The following RBFOX1 variants were observed in gnomAD, a reference collection of about 807,000 sequenced individuals.
RBFOX1 encodes RNA binding protein fox-1 homolog 1.
Under a neutral mutation model 57.7 loss-of-function variants are expected in RBFOX1, and 8 were observed. The observed-to-expected ratio is 0.14, with a 90% CI of 0.08 to 0.25. RBFOX1 has a LOEUF of 0.25. Among genes scored for constraint, RBFOX1 ranks in the 10% least tolerant of loss-of-function variants. The pLI is 1.00. For synonymous variants in RBFOX1, 326 were observed against 222.4 expected (o/e 1.47, Z -4.15); for missense variants, 611 against 548.5 (o/e 1.11, Z -1.14).
chr16:7,027,798 GGAA>G (rs2041426579), intron 3 of RBFOX1, among the ~76,000 whole-genome samples: 2 of 151,452 alleles, frequency 1.3e-5, no homozygotes, highest in East Asian at 3.9e-4. Flanking sequence ...AACAAGAAAA[GGAA>G]GAAATAAATG....
intron 3 of RBFOX1, among the ~76,000 whole-genome samples, chr16:6,830,385 G>C (rs555705927): frequency 6.6e-6 from 1 of 151,710 alleles, no homozygotes; most frequent in Non-Finnish European, 1.5e-5. Context: ...GTTTATCTTT[G>C]AATTTTACTA....
intron 2 of RBFOX1, among the ~76,000 whole-genome samples, chr16:6,340,924 T>TG (rs962471831): frequency 1.3e-5 from 2 of 151,924 alleles, no homozygotes; most frequent in Non-Finnish European, 1.5e-5. Context: ...TCTGGGGACC[T>TG]GGGGGATCAC....
chr16:6,988,614 C>T (rs1370085017), intron 3 of RBFOX1, among the ~76,000 whole-genome samples: 1 of 151,698 alleles, frequency 6.6e-6, no homozygotes, highest in Non-Finnish European at 1.5e-5. Flanking sequence ...GCTCTGTCCC[C>T]TAGGCTGGAG....
intron 2 of RBFOX1, among the ~76,000 whole-genome samples, chr16:5,472,125 CTTA>C (rs2069157433): frequency 6.6e-6 from 1 of 152,122 alleles, no homozygotes; most frequent in East Asian, 1.9e-4. Flanking sequence ...GGGTGAGAAT[CTTA>C]TTATCACGGC....
At chr16:7,626,877 T>C (rs1348504358) in intron 10 of RBFOX1, among the ~76,000 whole-genome samples, 1 of 152,212 alleles carries the variant, frequency 6.6e-6, no homozygotes. Context: ...ATCAGGTATT[T>C]TCCTAGGTGT....
chr16:6,976,662 T>A (rs1370922860), intron 3 of RBFOX1, among the ~76,000 whole-genome samples: 1 of 149,626 alleles, frequency 6.7e-6, no homozygotes, highest in Non-Finnish European at 1.5e-5. Context: ...TATATATATA[T>A]GATATATATA....
intron 1 of RBFOX1, among the ~76,000 whole-genome samples, chr16:5,425,180 A>G (rs1367638525): frequency 6.6e-6 from 1 of 151,074 alleles, no homozygotes; most frequent in Non-Finnish European, 1.5e-5. Context: ...ATCTTGGCTC[A>G]CTGCAACCTC....
chr16:5,693,265 A>G (rs969672573), intron 3 of RBFOX1, among the ~76,000 whole-genome samples: 1 of 152,110 alleles, frequency 6.6e-6, no homozygotes, highest in African/African-American at 2.4e-5. Flanking sequence ...ACTGTGGGTA[A>G]TGAGGCTTGG....
At chr16:6,763,499 C>G (rs182418585) in intron 3 of RBFOX1, among the ~76,000 whole-genome samples, 38 of 152,264 alleles carry the variant, frequency 2.5e-4, no homozygotes, top group Admixed American at 1.2e-3. Context: ...GATTTCTGAC[C>G]TCTCCTCCAA....
chr16:7,183,709 CTG>C (rs2083180775), intron 4 of RBFOX1, among the ~76,000 whole-genome samples: 1 of 152,150 alleles, frequency 6.6e-6, no homozygotes, highest in Non-Finnish European at 1.5e-5. Context: ...TTGACTCACA[CTG>C]AACACAAGCT....
intron 3 of RBFOX1, among the ~76,000 whole-genome samples, chr16:6,753,613 C>G (rs989758344): frequency 4.6e-5 from 7 of 152,150 alleles, no homozygotes; most frequent in South Asian, 2.1e-4. Flanking sequence ...GTAAGTAGAA[C>G]CAGCAACAGA....
chr16:6,039,165 G>C (rs2095408712), intron 1 of RBFOX1, among the ~76,000 whole-genome samples: 1 of 151,914 alleles, frequency 6.6e-6, no homozygotes. Flanking sequence ...GGATGCATGA[G>C]AGGGCATTTC....
intron 10 of RBFOX1, among the ~76,000 whole-genome samples, chr16:7,610,634 G>A (rs1464725996): frequency 6.6e-6 from 1 of 152,198 alleles, no homozygotes; most frequent in African/African-American, 2.4e-5. Context: ...ACGTTTGTAT[G>A]TAGGTAGACA....
intron 3 of RBFOX1, among the ~76,000 whole-genome samples, chr16:7,004,456 G>C (rs2093122056): frequency 6.6e-6 from 1 of 152,140 alleles, no homozygotes; most frequent in Admixed American, 6.5e-5. Flanking sequence ...CCATAGCCTG[G>C]ATTTGAAGGT....
intron 4 of RBFOX1, among the ~76,000 whole-genome samples, chr16:5,930,810 G>T (rs1306261753): frequency 3.1e-5 from 4 of 127,600 alleles, no homozygotes; most frequent in Non-Finnish European, 6.6e-5. Flanking sequence ...TGGTGGGTGG[G>T]AGGGTGGATG....
Position 7,321,376 on chromosome 16 carries a change from C to T in RBFOX1, c.28-196771C>T, listed in dbSNP as rs552032209. 7.9e-5 allele frequency among the ~76,000 whole-genome samples: 12 copies of T among 152,042 alleles called. No individual in the cohort carries two copies. The East Asian group carries it at 1.9e-3, about 25-fold the overall frequency. On this transcript the variant is annotated intron_variant, in intron 4 of 15. Coordinates refer to ENST00000550418, the MANE Select transcript of RBFOX1 (RefSeq NM_018723.4). ...GGTCAGGCTGTTCTTGAACTCCTGACCTCAAGTGATACACCCTCCTCGGCC... is the reference window on the plus strand; with the variant it reads ...GGTCAGGCTGTTCTTGAACTCCTGATCTCAAGTGATACACCCTCCTCGGCC...
At chr16:7,444,942 C>A (rs1166044027) in intron 4 of RBFOX1, among the ~76,000 whole-genome samples, 1 of 152,048 alleles carries the variant, frequency 6.6e-6, no homozygotes, top group Non-Finnish European at 1.5e-5. Flanking sequence ...TCAACAAATC[C>A]GTAATCATGG....
chr16:6,226,374 C>CAAAAAAAAAAAAA, intron 1 of RBFOX1, among the ~76,000 whole-genome samples: 1 of 86,558 alleles, frequency 1.2e-5, no homozygotes, highest in Non-Finnish European at 2.0e-5. Context: ...ACTCTGTCTC[C>CAAAAAAAAAAAAA]AAAAAAAAAA....
intron 3 of RBFOX1, among the ~76,000 whole-genome samples, chr16:6,699,631 C>T (rs1225918990): frequency 3.3e-5 from 5 of 152,126 alleles, no homozygotes; most frequent in Non-Finnish European, 7.4e-5. Flanking sequence ...TTTTTGTTGG[C>T]ATGAATACTC....
Sources: allele counts gnomAD v4.1 joint callset (sites outside exome capture counted in the v4.1 genomes callset), GRCh38; gene constraint gnomAD v4.1.1; transcripts MANE v1.5; gene names NCBI Gene and HGNC (gene_info 2026-07-23, HGNC 2026-07-21).